The following TRPC4AP variants were observed in gnomAD, a reference collection of about 807,000 sequenced individuals.
TRPC4AP encodes the protein transient receptor potential cation channel subfamily C member 4 associated protein, also known as short transient receptor potential channel 4-associated protein.
In TRPC4AP, 45 loss-of-function variants were observed where a neutral mutation model predicts 99.0. That is an observed-to-expected ratio of 0.45 (90% CI 0.36 to 0.58). The LOEUF (loss-of-function observed/expected upper bound fraction) is 0.58, where lower values mean the gene tolerates loss of function less well. Ranked by LOEUF, TRPC4AP falls within the 20% of genes least tolerant of loss-of-function variation. TRPC4AP has a pLI of 0.00. For missense variants in TRPC4AP, 879 were observed against 985.3 expected (o/e 0.89, Z 1.44); for synonymous variants, 408 against 385.8 (o/e 1.06, Z -0.67).
intron 2 of TRPC4AP, among the ~76,000 whole-genome samples, chr20:35,073,589 T>A (rs1447336284): frequency 6.6e-6 from 1 of 152,244 alleles, no homozygotes. Context: ...GATTTGCATA[T>A]GTTGAACCAG....
intron 3 of TRPC4AP, among the ~76,000 whole-genome samples, chr20:35,060,916 T>C (rs1374151838): frequency 6.6e-6 from 1 of 152,098 alleles, no homozygotes; most frequent in East Asian, 1.9e-4. Flanking sequence ...TGCTTTCCCA[T>C]TAAGATGAGG....
At chr20:35,023,008 C>T (rs2082931116) in intron 8 of TRPC4AP, among the ~76,000 whole-genome samples, 1 of 141,794 alleles carries the variant, frequency 7.1e-6, no homozygotes, top group African/African-American at 2.6e-5. Flanking sequence ...GCCTGGGCGA[C>T]AGAGCTGGAC....
At chr20:35,006,186 G>A (rs562510526) in intron 15 of TRPC4AP, among the ~76,000 whole-genome samples, 75 of 152,130 alleles carry the variant, frequency 4.9e-4, no homozygotes, top group African/African-American at 1.7e-3. Flanking sequence ...GCTGCGTCAC[G>A]GCAGGCGCAC....
intron 8 of TRPC4AP, among the ~76,000 whole-genome samples, chr20:35,032,929 G>A (rs1337814173): frequency 6.6e-6 from 1 of 152,122 alleles, no homozygotes; most frequent in African/African-American, 2.4e-5. Context: ...TAGGCTGGGT[G>A]TGGTAGCTCA....
rs1396271244 is a variant in TRPC4AP, at chr20:35,002,623, G to GCAAA, written c.*519_*522dup. 5.7e-6 allele frequency: 1 copy of GCAAA among 174,596 alleles called. No homozygotes were observed. The highest frequency in any genetic ancestry group is 2.4e-5 in the African/African-American group (1 of 42,232). The allele number at this position is 174,596 out of a possible 1,614,324, so 10.8% of individuals were successfully genotyped here. On this transcript the variant is annotated 3_prime_UTR_variant, in exon 19 of 19. Transcript: ENST00000252015. ...CTTGGATGAACACAGCGGCCAATGA[G>GCAAA]CAAACAGAACCAGAGGAGCTACAGG... is the stretch of plus-strand genomic sequence containing the variant.
chr20:35,092,469 G>T, intron 1 of TRPC4AP, 145 bp downstream of exon 1: 2 of 986,450 alleles, frequency 2.0e-6, no homozygotes, highest in Non-Finnish European at 1.4e-6. Flanking sequence ...AGCTGAGAGC[G>T]TCCGGGCAGC....
At chr20:35,062,141 A>T (rs2145974371) in intron 3 of TRPC4AP, among the ~76,000 whole-genome samples, 1 of 152,306 alleles carries the variant, frequency 6.6e-6, no homozygotes, top group African/African-American at 2.4e-5. Flanking sequence ...AATGAAAAAG[A>T]CAAATAGTAA....
intron 3 of TRPC4AP, among the ~76,000 whole-genome samples, chr20:35,064,159 A>G (rs1569135919): frequency 6.6e-6 from 1 of 152,238 alleles, no homozygotes; most frequent in Non-Finnish European, 1.5e-5. Flanking sequence ...GTTTAAAGAC[A>G]TTCCCTATAT....
chr20:35,078,189 AAG>A lies in TRPC4AP; in HGVS notation c.169-17_169-16del. 1 of 1,611,546 alleles carries A rather than the reference AAG, an allele frequency of 6.2e-7. No individual in the cohort carries two copies. The highest frequency in any genetic ancestry group is 8.5e-7 in the Non-Finnish European group (1 of 1,178,216). On this transcript the variant is annotated splice_polypyrimidine_tract_variant and intron_variant, in intron 1 of 18. Coordinates refer to ENST00000252015, the MANE Select transcript of TRPC4AP (RefSeq NM_015638.3). ...GTCTCAGTGAACTGTGAGTCAAAAA[AAG>A]AGAGAACATATTATTGTATTATTGA...
chr20:35,018,658 T>C (rs1360215541), intron 9 of TRPC4AP, among the ~76,000 whole-genome samples: 1 of 150,276 alleles, frequency 6.7e-6, no homozygotes, highest in Non-Finnish European at 1.5e-5. Context: ...TCTTCATGTG[T>C]AAAATTTGTA....
chr20:35,068,736 G>C (rs1485643937), intron 3 of TRPC4AP, among the ~76,000 whole-genome samples: 1 of 151,754 alleles, frequency 6.6e-6, no homozygotes, highest in Non-Finnish European at 1.5e-5. Context: ...TGGACAGGTT[G>C]GTCTCGAACT....
chr20:35,021,423 C>T lies in TRPC4AP; in HGVS notation c.1052-67G>A. 1.9e-6 allele frequency: 3 copies of T among 1,565,738 alleles called. No homozygotes were observed. The Admixed American group carries it at 5.1e-5, about 27-fold the overall frequency. ...AGGAAACACGTTTCTGCCCCTCGAACCTGCTCTGAACAGACTTGTAGCATG... is the reference window on the plus strand; with the variant it reads ...AGGAAACACGTTTCTGCCCCTCGAATCTGCTCTGAACAGACTTGTAGCATG... On this transcript the variant is annotated intron_variant, in intron 8 of 18. Transcript: ENST00000252015.
intron 11 of TRPC4AP, among the ~76,000 whole-genome samples, chr20:35,010,919 A>G (rs1254970689): frequency 6.6e-6 from 1 of 152,202 alleles, no homozygotes; most frequent in Non-Finnish European, 1.5e-5. Flanking sequence ...ACTTAGGAGG[A>G]GGTTATGTCC....
intron 5 of TRPC4AP, among the ~76,000 whole-genome samples, chr20:35,052,539 A>G (rs6088693): frequency 0.77 from 117,151 of 152,016 alleles, 45,496 homozygotes; most frequent in Middle Eastern, 0.83. Flanking sequence ...TCTGTCACCC[A>G]CGCTGGAGTG....
intron 3 of TRPC4AP, among the ~76,000 whole-genome samples, chr20:35,060,599 A>C (rs1422532940): frequency 6.6e-6 from 1 of 150,708 alleles, no homozygotes; most frequent in Non-Finnish European, 1.5e-5. Context: ...AAAAAAAAAA[A>C]AAAAAAAAAA....
In TRPC4AP at chr20:35,023,208, C is replaced by A. The variant is rs146567484; in HGVS notation, c.1052-1852G>T. 2.6e-5 allele frequency among the ~76,000 whole-genome samples: 4 copies of A among 152,198 alleles called. No individual in the cohort carries two copies. The South Asian group carries it at 8.3e-4, about 32-fold the overall frequency. On this transcript the variant is annotated intron_variant, in intron 8 of 18. Coordinates refer to ENST00000252015, the MANE Select transcript of TRPC4AP (RefSeq NM_015638.3). The stretch of plus-strand genomic sequence containing the variant: ...TGAAGCCAGACTACTGGGTTTGAAC[C>A]CCATTCACTAGCCGGGTGGTCTTCA...
In TRPC4AP at chr20:35,005,469, T is replaced by C. The variant is rs188806556; in HGVS notation, c.1936+226A>G. On this transcript the variant is annotated intron_variant, in intron 16 of 18. Transcript: ENST00000252015. ...ACCAGCCCAGAAGAGGAAGGTCTTTTTCTGGTTTTCTTTGCATCTTGCTAG... is the reference window on the plus strand; with the variant it reads ...ACCAGCCCAGAAGAGGAAGGTCTTTCTCTGGTTTTCTTTGCATCTTGCTAG... Among the ~76,000 whole-genome samples the C allele has an allele frequency of 4.7e-4, 72 of 152,292 alleles. No homozygotes were observed. In the East Asian group the frequency reaches 7.2e-3, roughly 15 times the overall value.
rs550664309 is a variant in TRPC4AP at position 35,042,052 on chromosome 20, T to G, written c.865+2453A>C. 2.6e-5 allele frequency among the ~76,000 whole-genome samples: 4 copies of G among 152,366 alleles called. No homozygotes were observed. In the South Asian group the frequency reaches 8.3e-4, roughly 32 times the overall value. ...TATACTTTAAGTTCTAGGGTACATGTGCACAACGTGCAGGTTTGTTACATA... is the reference window on the plus strand; with the variant it reads ...TATACTTTAAGTTCTAGGGTACATGGGCACAACGTGCAGGTTTGTTACATA... On this transcript the variant is annotated intron_variant, in intron 7 of 18. Coordinates refer to ENST00000252015, the MANE Select transcript of TRPC4AP (RefSeq NM_015638.3).
intron 5 of TRPC4AP, among the ~76,000 whole-genome samples, chr20:35,054,084 T>C (rs1218386506): frequency 6.6e-6 from 1 of 152,212 alleles, no homozygotes; most frequent in Non-Finnish European, 1.5e-5. Flanking sequence ...TATCTTCTTC[T>C]TTCTTACCTG....
Sources: allele counts gnomAD v4.1 joint callset (sites outside exome capture counted in the v4.1 genomes callset), GRCh38; gene constraint gnomAD v4.1.1; transcripts MANE v1.5; gene names NCBI Gene and HGNC (gene_info 2026-07-23, HGNC 2026-07-21).